Variants in SPECC1 observed in about 807,000 individuals in gnomAD.
SPECC1 encodes sperm antigen with calponin homology and coiled-coil domains 1, also known as cytospin-B.
In SPECC1, 62 loss-of-function variants were observed where a neutral mutation model predicts 104.1. That is an observed-to-expected ratio of 0.60 (90% CI 0.49 to 0.74). The LOEUF is 0.74. SPECC1 is among the 30% of genes least tolerant of loss of function. The probability of loss-of-function intolerance (pLI) is 0.00; values close to 1 mark genes in which losing one functional copy is unlikely to be tolerated. For missense variants in SPECC1, 1,306 were observed against 1,310.5 expected, an observed-to-expected ratio of 1.00 and a Z score of 0.05; for synonymous variants, 513 against 501.6, an observed-to-expected ratio of 1.02 and a Z score of -0.30.
At chr17:20,113,118 A>G in intron 3 of SPECC1, 1 of 662,880 alleles carries the variant, frequency 1.5e-6, no homozygotes, top group South Asian at 1.9e-5. Flanking sequence ...TTAGAGGATT[A>G]TGCTTGTTCT....
At chr17:20,021,203 G>T (rs147605216) in intron 1 of SPECC1, among the ~76,000 whole-genome samples, 3 of 152,016 alleles carry the variant, frequency 2.0e-5, no homozygotes, top group African/African-American at 7.3e-5. Context: ...TGCTGTCTTG[G>T]GGGTAGCAGA....
chr17:20,271,327 G>T (rs890978684), intron 12 of SPECC1, among the ~76,000 whole-genome samples: 29 of 151,760 alleles, frequency 1.9e-4, no homozygotes, highest in Non-Finnish European at 2.6e-4. Context: ...AAAGATGAGG[G>T]TTTATTTCTT....
At position 20,294,182 on chromosome 17, in the gene SPECC1, A is replaced by T. The variant is rs545138068; in HGVS notation, c.2941-2779A>T. Among the ~76,000 whole-genome samples, 6 of 152,242 alleles carry T rather than the reference A, an allele frequency of 3.9e-5. No individual in the cohort carries two copies. In the South Asian group the frequency reaches 1.0e-3, roughly 26 times the overall value. On this transcript the variant is annotated intron_variant, in intron 12 of 14. Coordinates refer to ENST00000395527, the MANE Select transcript of SPECC1 (RefSeq NM_001243439.2). ...TTTTTAGTAGAGACGGGGTTTAACC[A>T]TGTTGGCTAAGCTGGTCTCAAACTC...
chr17:20,232,562 C>G (rs999519788), intron 7 of SPECC1, 157 bp downstream of exon 7: 76 of 798,504 alleles, frequency 9.5e-5, no homozygotes, highest in Non-Finnish European at 1.1e-4. Context: ...TAGGAACATT[C>G]TGTACAGTAC....
At chr17:20,168,921 G>A (rs560925398) in intron 3 of SPECC1, among the ~76,000 whole-genome samples, 1 of 152,174 alleles carries the variant, frequency 6.6e-6, no homozygotes, top group Non-Finnish European at 1.5e-5. Flanking sequence ...CATCCAGGCT[G>A]GAGTACAGTG....
At chr17:20,310,831 T>A (rs1218077768) in intron 14 of SPECC1, among the ~76,000 whole-genome samples, 1 of 152,256 alleles carries the variant, frequency 6.6e-6, no homozygotes. Context: ...ATAGCTAATT[T>A]GTGCTTGATT....
intron 7 of SPECC1, chr17:20,239,146 A>C (rs2072171053): frequency 1.9e-6 from 2 of 1,027,442 alleles, no homozygotes; most frequent in Non-Finnish European, 2.3e-6. Context: ...CTAGGGTCTC[A>C]GAAAATATAG....
At chr17:20,099,685 A>G (rs2047835481) in intron 2 of SPECC1, among the ~76,000 whole-genome samples, 1 of 123,178 alleles carries the variant, frequency 8.1e-6, no homozygotes, top group South Asian at 2.8e-4. Flanking sequence ...ACAGAGTGAC[A>G]CTCTATCTCA....
At chr17:20,300,595 GTGTT>G (rs781385303) in intron 13 of SPECC1, among the ~76,000 whole-genome samples, 97 of 152,346 alleles carry the variant, frequency 6.4e-4, no homozygotes, top group Non-Finnish European at 1.1e-3. Context: ...GGACCTAAAA[GTGTT>G]TGTTCTCAGG....
At chr17:20,219,300 C>T (rs1180875512) in intron 4 of SPECC1, among the ~76,000 whole-genome samples, 3 of 152,186 alleles carry the variant, frequency 2.0e-5, no homozygotes, top group African/African-American at 2.4e-5. Context: ...TTCTCTGCAT[C>T]TTCCCCAGCA....
intron 1 of SPECC1, among the ~76,000 whole-genome samples, chr17:20,090,676 G>A (rs1280764608): frequency 6.6e-6 from 1 of 151,742 alleles, no homozygotes; most frequent in East Asian, 1.9e-4. Flanking sequence ...TTTGATGGAA[G>A]CCATGTTACA....
chr17:20,030,675 A>T (rs967881622), intron 1 of SPECC1, among the ~76,000 whole-genome samples: 1 of 152,176 alleles, frequency 6.6e-6, no homozygotes, highest in Non-Finnish European at 1.5e-5. Context: ...AATAACCTTT[A>T]CTGCTATGCT....
chr17:20,096,692 C>T lies in SPECC1; in HGVS notation c.41C>T (p.Ala14Val), dbSNP rs878892897. Residue 14 changes from alanine (A) to valine (V), a missense_variant, in exon 2 of 15, where the codon GCA becomes GTA. Physicochemically the swap from Ala to Val is moderately conservative, Grantham distance 64. Around this residue, in one of 2 missense-constraint regions of SPECC1, gnomAD observed 1,177 missense variants for 1,139.9 expected, o/e 1.03. Coordinates refer to ENST00000395527, the MANE Select transcript of SPECC1 (RefSeq NM_001243439.2). ...AAGCCCTGGAACCCAGCCATCAGAG[C>T]AGGGGGCCACGGCCCAGACCGGGTG... ...AAKPWNPAIR[A>V]GGHGPDRVRP... 6.2e-7 allele frequency: 1 copy of T among 1,614,174 alleles called. No individual in the cohort carries two copies. Among genetic ancestry groups the T allele is most frequent in the Non-Finnish European group, 8.5e-7 (1 of 1,180,020 alleles).
intron 12 of SPECC1, 125 bp from the exon 13 acceptor site, chr17:20,296,836 T>C (rs2041367688): frequency 1.2e-6 from 1 of 819,672 alleles, no homozygotes; most frequent in Non-Finnish European, 2.0e-6. Context: ...TATTGGTGTA[T>C]AGGAATGCTT....
intron 12 of SPECC1, among the ~76,000 whole-genome samples, chr17:20,264,871 G>A (rs1201810204): frequency 6.6e-6 from 1 of 152,140 alleles, no homozygotes; most frequent in Non-Finnish European, 1.5e-5. Context: ...GTGAGATGTG[G>A]TATTTGGTTT....
rs775064813 is a variant in SPECC1, at chr17:20,096,801, A to C, written c.147+3A>C. ...CTTTTGAGTCCCGACTCAGCAGGGT[A>C]TGGATCAAAATGCACAGGGCCAGGC... On this transcript the variant is annotated splice_donor_region_variant and intron_variant, in intron 2 of 14. Coordinates refer to ENST00000395527, the MANE Select transcript of SPECC1 (RefSeq NM_001243439.2). 6.2e-7 allele frequency: 1 copy of C among 1,611,306 alleles called. No individual in the cohort carries two copies. Among genetic ancestry groups the C allele is most frequent in the Admixed American group, 1.7e-5 (1 of 59,846 alleles).
chr17:20,078,313 C>T (rs1389086313), intron 1 of SPECC1, among the ~76,000 whole-genome samples: 1 of 151,556 alleles, frequency 6.6e-6, no homozygotes, highest in East Asian at 2.0e-4. Context: ...GAGTACTACT[C>T]ATAATAAATG....
chr17:20,280,824 A>T (rs932198208), intron 12 of SPECC1, among the ~76,000 whole-genome samples: 2 of 152,234 alleles, frequency 1.3e-5, no homozygotes, highest in Non-Finnish European at 2.9e-5. Context: ...TGTGGTTTGC[A>T]ATCCCTACTT....
chr17:20,103,861 G>T (rs1010022806), intron 2 of SPECC1, among the ~76,000 whole-genome samples: 4 of 152,186 alleles, frequency 2.6e-5, no homozygotes, highest in Non-Finnish European at 5.9e-5. Flanking sequence ...AACATACTAG[G>T]TGTTCCCATA....
Sources: allele counts gnomAD v4.1 joint callset (sites outside exome capture counted in the v4.1 genomes callset), GRCh38; gene constraint gnomAD v4.1.1; regional missense constraint gnomAD v4.1.1; transcripts MANE v1.5; gene names NCBI Gene and HGNC (gene_info 2026-07-23, HGNC 2026-07-21).